CD38: variants seen among roughly 807,000 people sequenced by gnomAD.
The protein encoded by CD38 is CD38 molecule, also known as ADP-ribosyl cyclase/cyclic ADP-ribose hydrolase 1.
In CD38, 31 loss-of-function variants were observed where a neutral mutation model predicts 36.3. The ratio of observed to expected loss-of-function variants is 0.85; its 90% CI spans 0.64 to 1.15. CD38 has a LOEUF of 1.15. Ranked by LOEUF, CD38 falls within the 50% of genes most tolerant of loss-of-function variation. CD38 has a pLI of 0.00. For missense variants in CD38, 380 were observed against 371.9 expected, an observed-to-expected ratio of 1.02 and a Z score of -0.18; for synonymous variants, 131 against 135.2, an observed-to-expected ratio of 0.97 and a Z score of 0.22.
intron 1 of CD38, among the ~76,000 whole-genome samples, chr4:15,810,739 C>T (rs1355448584): frequency 1.3e-5 from 2 of 152,130 alleles, no homozygotes; most frequent in East Asian, 3.8e-4. Context: ...GGAAAGAAAC[C>T]GCTGTTGAAC....
At chr4:15,805,583 T>C (rs963012818) in intron 1 of CD38, among the ~76,000 whole-genome samples, 3 of 152,230 alleles carry the variant, frequency 2.0e-5, no homozygotes, top group African/African-American at 7.2e-5. Flanking sequence ...TGTAAACTCC[T>C]AGAAGAACAG....
At chr4:15,809,052 G>GTATGTGTGATACCTA (rs1658698312) in intron 1 of CD38, among the ~76,000 whole-genome samples, 1 of 152,182 alleles carries the variant, frequency 6.6e-6, no homozygotes, top group Non-Finnish European at 1.5e-5. Flanking sequence ...GAGTTTATAG[G>GTATGTGTGATACCTA]TAAACTGGAG....
At chr4:15,835,562 G>A (rs577568698) in intron 4 of CD38, among the ~76,000 whole-genome samples, 10 of 151,930 alleles carry the variant, frequency 6.6e-5, no homozygotes, top group Admixed American at 2.0e-4. Context: ...ATTTTCAGTA[G>A]AGACGGAGTT....
chr4:15,782,368 T>A (rs1375485530), intron 1 of CD38, among the ~76,000 whole-genome samples: 1 of 152,242 alleles, frequency 6.6e-6, no homozygotes, highest in Non-Finnish European at 1.5e-5. Flanking sequence ...ATTTGTTAGC[T>A]TTTCTGTTTT....
intron 1 of CD38, among the ~76,000 whole-genome samples, chr4:15,798,995 A>G (rs1723159146): frequency 1.3e-5 from 2 of 152,202 alleles, no homozygotes; most frequent in Admixed American, 1.3e-4. Flanking sequence ...CACTATATTT[A>G]TCACGTCCCT....
At chr4:15,801,913 C>G (rs1385197804) in intron 1 of CD38, among the ~76,000 whole-genome samples, 1 of 152,116 alleles carries the variant, frequency 6.6e-6, no homozygotes, top group East Asian at 1.9e-4. Flanking sequence ...CCTCACTACT[C>G]TGATTCCACA....
chr4:15,812,322 C>T (rs77331333), intron 1 of CD38, among the ~76,000 whole-genome samples: 2,911 of 152,294 alleles, frequency 0.019, 88 homozygotes, highest in African/African-American at 0.067. Context: ...CTGTCACTAT[C>T]TGCAAAAGAA....
chr4:15,781,744 T>C (rs1331535728), intron 1 of CD38, among the ~76,000 whole-genome samples: 3 of 152,228 alleles, frequency 2.0e-5, no homozygotes, highest in Non-Finnish European at 4.4e-5. Context: ...CTGGATACCA[T>C]GCCTGGGCGA....
intron 1 of CD38, among the ~76,000 whole-genome samples, chr4:15,814,295 G>A (rs1380140610): frequency 2.6e-5 from 4 of 152,012 alleles, no homozygotes; most frequent in Non-Finnish European, 5.9e-5. Context: ...TGATGGGGTT[G>A]TTTTTTTCTT....
chr4:15,841,707 C>T (rs920420789), intron 7 of CD38, among the ~76,000 whole-genome samples: 7 of 149,188 alleles, frequency 4.7e-5, no homozygotes, highest in Admixed American at 1.3e-4. Context: ...GTGTGCACAC[C>T]GTGCGCGAGC....
chr4:15,812,461 GCC>G, intron 1 of CD38, among the ~76,000 whole-genome samples: 1 of 152,308 alleles, frequency 6.6e-6, no homozygotes, highest in East Asian at 1.9e-4. Context: ...ACTTTGGGAG[GCC>G]GAGGCGGGTG....
Position 15,852,569 on chromosome 4 carries a change from G to A in CD38, c.*3967G>A, listed in dbSNP as rs1724410897. Reference sequence around the variant, plus strand: ...CACCTAGAATACTGTATAACTTTAAGTCATTTTATCAACACATTGCTAATC... The same window carrying A: ...CACCTAGAATACTGTATAACTTTAAATCATTTTATCAACACATTGCTAATC... On this transcript the variant is annotated 3_prime_UTR_variant, in exon 8 of 8. Transcript: ENST00000226279. 1 of 152,138 alleles carries A rather than the reference G, an allele frequency of 6.6e-6. No homozygotes were observed. The highest frequency in any genetic ancestry group is 2.4e-5 in the African/African-American group (1 of 41,440). The allele number at this position is 152,138 out of a possible 1,614,324, so 9.4% of individuals were successfully genotyped here.
intron 1 of CD38, among the ~76,000 whole-genome samples, chr4:15,808,265 C>T (rs1368220610): frequency 1.3e-5 from 2 of 152,192 alleles, no homozygotes; most frequent in East Asian, 1.9e-4. Flanking sequence ...TAGACCTCAG[C>T]ACATGGGTCT....
intron 1 of CD38, among the ~76,000 whole-genome samples, chr4:15,807,012 T>C (rs1723357106): frequency 6.6e-6 from 1 of 152,176 alleles, no homozygotes; most frequent in African/African-American, 2.4e-5. Flanking sequence ...TGTTTGTTAT[T>C]GTCAATGCCC....
At chr4:15,798,387 G>A (rs1723145698) in intron 1 of CD38, among the ~76,000 whole-genome samples, 1 of 152,150 alleles carries the variant, frequency 6.6e-6, no homozygotes, top group South Asian at 2.1e-4. Context: ...CAGGGAGAGG[G>A]GCAAGAGCAC....
intron 3 of CD38, among the ~76,000 whole-genome samples, chr4:15,832,460 A>G (rs1204061234): frequency 2.0e-5 from 3 of 152,156 alleles, no homozygotes; most frequent in Non-Finnish European, 4.4e-5. Context: ...TATCTGCTGT[A>G]GGGGGCCCTG....
intron 7 of CD38, among the ~76,000 whole-genome samples, chr4:15,842,342 T>G (rs1724231767): frequency 7.5e-6 from 1 of 133,454 alleles, no homozygotes; most frequent in East Asian, 2.2e-4. Flanking sequence ...GACCTGCAGC[T>G]GAGGGTCCTG....
intron 1 of CD38, among the ~76,000 whole-genome samples, chr4:15,810,836 T>C (rs1723453135): frequency 6.6e-6 from 1 of 152,212 alleles, no homozygotes; most frequent in Non-Finnish European, 1.5e-5. Context: ...ACATGATTGT[T>C]GGATGCCACC....
chr4:15,801,023 T>TA (rs1023366376), intron 1 of CD38, among the ~76,000 whole-genome samples: 11 of 151,556 alleles, frequency 7.3e-5, no homozygotes, highest in Non-Finnish European at 1.0e-4. Flanking sequence ...AGTTGTTTTT[T>TA]AAAAAAAATT....
Sources: allele counts gnomAD v4.1 joint callset (sites outside exome capture counted in the v4.1 genomes callset), GRCh38; gene constraint gnomAD v4.1.1; transcripts MANE v1.5; gene names NCBI Gene and HGNC (gene_info 2026-07-23, HGNC 2026-07-21).